Variants in CNTN5 observed in about 807,000 individuals in gnomAD.
The protein encoded by CNTN5 is contactin-5.
CNTN5 carries 77 observed loss-of-function variants against 129.1 expected under a neutral mutation model. That is an observed-to-expected ratio of 0.60 (90% CI 0.50 to 0.72). The LOEUF (loss-of-function observed/expected upper bound fraction) is 0.72, where lower values mean the gene tolerates loss of function less well. Ranked by LOEUF, CNTN5 falls within the 30% of genes least tolerant of loss-of-function variation. CNTN5 has a pLI of 0.00. For missense variants in CNTN5, 1,478 were observed against 1,328.8 expected (o/e 1.11, Z -1.75); for synonymous variants, 509 against 465.6 (o/e 1.09, Z -1.20).
At chr11:99,091,706 C>A (rs1866261847) in intron 1 of CNTN5, among the ~76,000 whole-genome samples, 1 of 152,152 alleles carries the variant, frequency 6.6e-6, no homozygotes, top group South Asian at 2.1e-4. Context: ...CTTTTTGTCA[C>A]CCTCCAGTTT....
intron 18 of CNTN5, among the ~76,000 whole-genome samples, chr11:100,273,335 G>A (rs894626311): frequency 3.9e-5 from 6 of 152,080 alleles, no homozygotes; most frequent in Admixed American, 6.5e-5. Context: ...TGCTGGGCGT[G>A]TCTGCTTAGG....
At chr11:99,181,598 A>G (rs796095530) in intron 1 of CNTN5, among the ~76,000 whole-genome samples, 1 of 152,098 alleles carries the variant, frequency 6.6e-6, no homozygotes, top group Non-Finnish European at 1.5e-5. Flanking sequence ...AGCCTAAGAC[A>G]TGATGACCCA....
chr11:99,836,307 G>A (rs534448412), intron 4 of CNTN5, among the ~76,000 whole-genome samples: 58 of 30,378 alleles, frequency 1.9e-3, no homozygotes, highest in African/African-American at 7.0e-3. Context: ...CCCAACCCCC[G>A]ACAGGCCCTG....
chr11:99,436,228 C>T (rs1245299420), intron 2 of CNTN5, among the ~76,000 whole-genome samples: 1 of 152,094 alleles, frequency 6.6e-6, no homozygotes, highest in African/African-American at 2.4e-5. Context: ...CTGTCATTAG[C>T]ACGTTACAAA....
At chr11:99,881,821 C>T (rs557994959) in intron 6 of CNTN5, among the ~76,000 whole-genome samples, 1 of 152,318 alleles carries the variant, frequency 6.6e-6, no homozygotes, top group East Asian at 1.9e-4. Context: ...GCAGTTTATT[C>T]AGCCGACTAC....
chr11:99,908,243 G>A (rs906440845), intron 6 of CNTN5, among the ~76,000 whole-genome samples: 2 of 152,010 alleles, frequency 1.3e-5, no homozygotes, highest in Non-Finnish European at 2.9e-5. Flanking sequence ...TAGTAGGCAA[G>A]AAAGTAATTA....
intron 1 of CNTN5, among the ~76,000 whole-genome samples, chr11:99,105,580 T>A (rs540698944): frequency 6.6e-6 from 1 of 152,286 alleles, no homozygotes; most frequent in Admixed American, 6.5e-5. Context: ...GTGAGTTCTT[T>A]TATTTTTTAA....
At chr11:99,765,294 T>C (rs1254826731) in intron 3 of CNTN5, among the ~76,000 whole-genome samples, 1 of 151,706 alleles carries the variant, frequency 6.6e-6, no homozygotes, top group African/African-American at 2.4e-5. Context: ...TACTCTAAAG[T>C]CCACCTGAAA....
chr11:100,324,669 G>A (rs1951756070), intron 21 of CNTN5, among the ~76,000 whole-genome samples: 1 of 151,990 alleles, frequency 6.6e-6, no homozygotes, highest in South Asian at 2.1e-4. Flanking sequence ...CATGTGTTAG[G>A]AAAATATTTA....
intron 9 of CNTN5, among the ~76,000 whole-genome samples, chr11:100,014,863 G>T (rs1591057101): frequency 6.6e-6 from 1 of 152,066 alleles, no homozygotes; most frequent in Non-Finnish European, 1.5e-5. Context: ...CAGCATGTGG[G>T]ATCAGGCTGG....
At chr11:100,021,397 A>T (rs1260895881) in intron 9 of CNTN5, among the ~76,000 whole-genome samples, 1 of 152,182 alleles carries the variant, frequency 6.6e-6, no homozygotes, top group Non-Finnish European at 1.5e-5. Flanking sequence ...TCTGTAAGTT[A>T]TACAGAAAAG....
chr11:99,556,603 C>A (rs1163965780), intron 3 of CNTN5, among the ~76,000 whole-genome samples: 2 of 132,474 alleles, frequency 1.5e-5, no homozygotes, highest in African/African-American at 2.7e-5. Flanking sequence ...ATCTCCCACA[C>A]ATATATACAT....
intron 6 of CNTN5, among the ~76,000 whole-genome samples, chr11:99,848,227 A>T (rs938531432): frequency 1.3e-5 from 2 of 152,032 alleles, no homozygotes; most frequent in African/African-American, 4.8e-5. Flanking sequence ...AACAAAACAA[A>T]CAAAAAATTC....
At position 100,255,372 on chromosome 11, in the gene CNTN5, A is replaced by T. The variant is rs78354348; in HGVS notation, c.2006-388A>T. On this transcript the variant is annotated intron_variant, in intron 16 of 24. Coordinates refer to ENST00000524871, the MANE Select transcript of CNTN5 (RefSeq NM_014361.4). ...CTTGTAGTATTTTAGTAAGGATGAGATTTTTTTTTTGTCTCTGTAGCACTG... is the reference window on the plus strand; with the variant it reads ...CTTGTAGTATTTTAGTAAGGATGAGTTTTTTTTTTTGTCTCTGTAGCACTG... 3.8e-3 allele frequency among the ~76,000 whole-genome samples: 289 copies of T among 75,126 alleles called. 1 individual carries two copies. The South Asian group carries it at 0.039, about 10-fold the overall frequency. 49.3% of individuals were successfully genotyped at this position (75,126 alleles called of 152,430 possible).
At chr11:100,046,512 A>G (rs1352459959) in intron 9 of CNTN5, among the ~76,000 whole-genome samples, 2 of 152,114 alleles carry the variant, frequency 1.3e-5, no homozygotes, top group East Asian at 3.9e-4. Context: ...GCATTATGAC[A>G]TATGTAGTTA....
intron 2 of CNTN5, among the ~76,000 whole-genome samples, chr11:99,361,982 T>G (rs1355036530): frequency 1.3e-5 from 2 of 152,090 alleles, no homozygotes; most frequent in Non-Finnish European, 2.9e-5. Flanking sequence ...TGCTTCTGCT[T>G]TTAATGAATT....
chr11:99,944,582 T>G (rs1950514614), intron 7 of CNTN5, among the ~76,000 whole-genome samples: 1 of 152,104 alleles, frequency 6.6e-6, no homozygotes, highest in East Asian at 1.9e-4. Context: ...TGTCTCTATT[T>G]GCAGATGACA....
At chr11:100,265,573 A>C (rs767189838) in intron 17 of CNTN5, among the ~76,000 whole-genome samples, 1 of 152,160 alleles carries the variant, frequency 6.6e-6, no homozygotes, top group Non-Finnish European at 1.5e-5. Flanking sequence ...TCTGGAGTTT[A>C]AACTCGCTGA....
Position 99,511,217 on chromosome 11 carries a change from T to C in CNTN5, c.-70-44928T>C, listed in dbSNP as rs559661329. ...TTCCCTCTACACACTGCTTTGAATG[T>C]GTCCCAGAGATTCTGGTATGTGGTG... On this transcript the variant is annotated intron_variant, in intron 2 of 24. Transcript: ENST00000524871. Among the ~76,000 whole-genome samples, 1,172 of 152,254 alleles carry C rather than the reference T, an allele frequency of 7.7e-3. 16 individuals carry two copies. Among genetic ancestry groups the C allele is most frequent in the African/African-American group, 0.026 (1,073 of 41,548 alleles).
Sources: allele counts gnomAD v4.1 joint callset (sites outside exome capture counted in the v4.1 genomes callset), GRCh38; gene constraint gnomAD v4.1.1; transcripts MANE v1.5; gene names NCBI Gene and HGNC (gene_info 2026-07-23, HGNC 2026-07-21).